Variants in GPR141 observed in about 807,000 individuals in gnomAD.
GPR141 encodes probable G protein-coupled receptor 141.
In GPR141, 6 loss-of-function variants were observed where a neutral mutation model predicts 6.8. The observed-to-expected ratio is 0.88, with a 90% CI of 0.48 to 1.74. The LOEUF (loss-of-function observed/expected upper bound fraction) is 1.74, where lower values mean the gene tolerates loss of function less well. Among genes scored for constraint, GPR141 ranks in the 40% most tolerant of loss-of-function variants. The probability of loss-of-function intolerance (pLI) is 0.01; values close to 1 mark genes in which losing one functional copy is unlikely to be tolerated. For missense variants in GPR141, 372 were observed against 372.9 expected (o/e 1.00, Z 0.02); for synonymous variants, 140 against 142.3 (o/e 0.98, Z 0.11).
chr7:37,739,748 A>G (rs753833045), intron 2 of GPR141, among the ~76,000 whole-genome samples: 3 of 152,128 alleles, frequency 2.0e-5, no homozygotes. Flanking sequence ...AAGACATGCT[A>G]TATTTCAGTG....
chr7:37,695,047 G>T (rs1809952980), intron 2 of GPR141, among the ~76,000 whole-genome samples: 1 of 152,194 alleles, frequency 6.6e-6, no homozygotes. Flanking sequence ...ATATGGAGCT[G>T]TTCTGCCAAA....
At chr7:37,695,063 G>A (rs935151931) in intron 2 of GPR141, among the ~76,000 whole-genome samples, 8 of 152,306 alleles carry the variant, frequency 5.3e-5, no homozygotes, top group African/African-American at 1.7e-4. Flanking sequence ...CCAAAGCAAG[G>A]TTTCCCTAGG....
rs1038112006 is a variant in GPR141, at chr7:37,730,269, T to C, written c.-14-10111T>C. 2.0e-5 allele frequency among the ~76,000 whole-genome samples: 3 copies of C among 152,168 alleles called. No homozygotes were observed. In the East Asian group the frequency reaches 5.8e-4, roughly 29 times the overall value. On this transcript the variant is annotated intron_variant, in intron 2 of 2. Transcript: ENST00000334425. The stretch of plus-strand genomic sequence containing the variant: ...ACTTGACACATACCATGTTCCAAAT[T>C]CTGAGCTACGGCACATGCTATATTT...
At chr7:37,709,192 A>G (rs1006521021) in intron 2 of GPR141, among the ~76,000 whole-genome samples, 1 of 152,250 alleles carries the variant, frequency 6.6e-6, no homozygotes, top group Non-Finnish European at 1.5e-5. Context: ...AATAAAAATT[A>G]TTCATGATCC....
chr7:37,706,380 T>C lies in GPR141; in HGVS notation c.-15+20797T>C, dbSNP rs146478946. ...CAAAATTCAGAGCACTGTTGTACTC[T>C]GTTGTTTTAGTGAACTTTAAACAGC... On this transcript the variant is annotated intron_variant, in intron 2 of 2. Transcript: ENST00000334425. Among the ~76,000 whole-genome samples, 281 of 152,370 alleles carry C rather than the reference T, an allele frequency of 1.8e-3. No individual in the cohort carries two copies. The Middle Eastern group carries it at 0.02, about 11-fold the overall frequency.
At chr7:37,729,509 T>C (rs1811808044) in intron 2 of GPR141, among the ~76,000 whole-genome samples, 1 of 152,196 alleles carries the variant, frequency 6.6e-6, no homozygotes, top group Admixed American at 6.5e-5. Context: ...AGTTAACAAC[T>C]CATGACCACT....
intron 2 of GPR141, among the ~76,000 whole-genome samples, chr7:37,692,083 G>C (rs1254565534): frequency 1.3e-5 from 2 of 152,046 alleles, no homozygotes; most frequent in African/African-American, 4.8e-5. Flanking sequence ...TGCCATGGTG[G>C]TTTGCTGCAC....
intron 2 of GPR141, among the ~76,000 whole-genome samples, chr7:37,685,857 A>G (rs2131719521): frequency 6.6e-6 from 1 of 151,678 alleles, no homozygotes; most frequent in South Asian, 2.1e-4. Context: ...GCTAATTTCT[A>G]AAAGTGCTTT....
Position 37,743,776 on chromosome 7 carries a change from T to C in GPR141, c.*2465T>C, listed in dbSNP as rs1267452639. 6.6e-6 allele frequency among the ~76,000 whole-genome samples: 1 copy of C among 152,178 alleles called. No individual in the cohort carries two copies. Among genetic ancestry groups the C allele is most frequent in the African/African-American group, 2.4e-5 (1 of 41,458 alleles). ...ATGTTCTCAAAAGATAGAAATGCAA[T>C]ATTTCATAATATAAAATATCTTTTT... is the stretch of plus-strand genomic sequence containing the variant. On this transcript the variant is annotated 3_prime_UTR_variant, in exon 3 of 3. Coordinates refer to ENST00000334425, the MANE Select transcript of GPR141 (RefSeq NM_001381946.1).
At chr7:37,727,374 A>G (rs538907253) in intron 2 of GPR141, among the ~76,000 whole-genome samples, 1 of 151,826 alleles carries the variant, frequency 6.6e-6, no homozygotes, top group Non-Finnish European at 1.5e-5. Flanking sequence ...TTTTGCTTCT[A>G]TCTGTGGGAG....
chr7:37,698,863 T>G (rs1267698355), intron 2 of GPR141, among the ~76,000 whole-genome samples: 2 of 152,220 alleles, frequency 1.3e-5, no homozygotes, highest in Non-Finnish European at 2.9e-5. Context: ...GAAGAAGTGT[T>G]GAGACACTGA....
chr7:37,735,873 G>A lies in GPR141; in HGVS notation c.-14-4507G>A, dbSNP rs1217545010. 3.3e-5 allele frequency among the ~76,000 whole-genome samples: 5 copies of A among 152,268 alleles called. No homozygotes were observed. The East Asian group carries it at 7.7e-4, about 23-fold the overall frequency. The stretch of plus-strand genomic sequence containing the variant: ...AAGTAGAATGTGTAAGACCGACACA[G>A]CCTAGAACTGAAAGTATTTCATATC... On this transcript the variant is annotated intron_variant, in intron 2 of 2. Transcript: ENST00000334425.
chr7:37,732,132 CT>C (rs1811984561), intron 2 of GPR141, among the ~76,000 whole-genome samples: 3 of 139,494 alleles, frequency 2.2e-5, no homozygotes, highest in Admixed American at 7.2e-5. Flanking sequence ...TTCTCCTTTT[CT>C]TTCTCTCTCT....
intron 2 of GPR141, among the ~76,000 whole-genome samples, chr7:37,733,444 G>A (rs529751004): frequency 5.9e-5 from 9 of 152,112 alleles, no homozygotes; most frequent in Admixed American, 1.3e-4. Context: ...GGCTGAGGCG[G>A]GTGGATCACC....
chr7:37,709,470 A>C (rs1341552149), intron 2 of GPR141, among the ~76,000 whole-genome samples: 1 of 152,156 alleles, frequency 6.6e-6, no homozygotes, highest in Non-Finnish European at 1.5e-5. Context: ...ATCCCTCTTC[A>C]TAATTCCTAG....
At chr7:37,701,334 C>T (rs1810270405) in intron 2 of GPR141, among the ~76,000 whole-genome samples, 1 of 152,066 alleles carries the variant, frequency 6.6e-6, no homozygotes. Flanking sequence ...GTATTTCTGA[C>T]TTTAATGTTT....
rs1251498381 is a variant in GPR141, at chr7:37,743,141, C to A, written c.*1830C>A. Among the ~76,000 whole-genome samples, 2 of 152,050 alleles carry A rather than the reference C, an allele frequency of 1.3e-5. No individual in the cohort carries two copies. The highest frequency in any genetic ancestry group is 6.6e-5 in the Admixed American group (1 of 15,262). The stretch of plus-strand genomic sequence containing the variant: ...GCAGAAAACCTGAAGTGATTAGTAA[C>A]ATGAATAGAATAACAGAATGAATTA... On this transcript the variant is annotated 3_prime_UTR_variant, in exon 3 of 3. Transcript: ENST00000334425.
At chr7:37,705,339 T>G (rs1363920605) in intron 2 of GPR141, among the ~76,000 whole-genome samples, 2 of 152,216 alleles carry the variant, frequency 1.3e-5, no homozygotes, top group African/African-American at 4.8e-5. Flanking sequence ...TGGTAAAACC[T>G]ATATCACTGA....
chr7:37,740,459 C>T lies in GPR141; in HGVS notation c.66C>T (p.Ser22=). The change falls in exon 3 of 3, where the codon AGC becomes AGT. Residue 22 remains serine, a synonymous_variant. Transcript: ENST00000334425. ...CDPIVTPHLI[S]LYFIVLIGGL... The stretch of plus-strand genomic sequence containing the variant: ...CTATAGTGACACCCCACTTAATCAG[C>T]CTCTACTTCATAGTGCTTATTGGCG... 1.2e-6 allele frequency: 2 copies of T among 1,613,958 alleles called. No homozygotes were observed. Among genetic ancestry groups the T allele is most frequent in the Non-Finnish European group, 1.7e-6 (2 of 1,179,906 alleles).
Sources: allele counts gnomAD v4.1 joint callset (sites outside exome capture counted in the v4.1 genomes callset), GRCh38; gene constraint gnomAD v4.1.1; transcripts MANE v1.5; gene names NCBI Gene and HGNC (gene_info 2026-07-23, HGNC 2026-07-21).